Variants in CDH12 observed in about 807,000 individuals in gnomAD.
The protein encoded by CDH12 is cadherin-12.
CDH12 carries 41 observed loss-of-function variants against 74.1 expected under a neutral mutation model. The observed-to-expected ratio is 0.55, with a 90% CI of 0.43 to 0.72. CDH12 has a LOEUF of 0.72. CDH12 is among the 30% of genes least tolerant of loss of function. The pLI, the probability that CDH12 is intolerant of heterozygous loss-of-function variation, is 0.00. For missense variants in CDH12, 945 were observed against 977.2 expected (o/e 0.97, Z 0.44); for synonymous variants, 399 against 355.0 (o/e 1.12, Z -1.39).
intron 6 of CDH12, among the ~76,000 whole-genome samples, chr5:21,917,435 C>T (rs1436611830): frequency 6.6e-6 from 1 of 152,192 alleles, no homozygotes; most frequent in Non-Finnish European, 1.5e-5. Context: ...ATAAAAATTA[C>T]CAGTTAAAAT....
chr5:22,249,686 G>A (rs1753071787), intron 3 of CDH12, among the ~76,000 whole-genome samples: 1 of 152,086 alleles, frequency 6.6e-6, no homozygotes, highest in Non-Finnish European at 1.5e-5. Context: ...CACAAACATA[G>A]CAGGGCTAAC....
intron 1 of CDH12, among the ~76,000 whole-genome samples, chr5:22,694,242 A>AT (rs1240082958): frequency 6.6e-6 from 1 of 152,220 alleles, no homozygotes; most frequent in African/African-American, 2.4e-5. Context: ...ATAAGAGAGA[A>AT]GAAACACTCT....
At chr5:22,808,467 G>A (rs907667496) in intron 1 of CDH12, among the ~76,000 whole-genome samples, 2 of 152,188 alleles carry the variant, frequency 1.3e-5, no homozygotes, top group Non-Finnish European at 1.5e-5. Context: ...TTTAATGGAC[G>A]TACTGTAAAA....
intron 1 of CDH12, among the ~76,000 whole-genome samples, chr5:22,512,713 A>C (rs1308153226): frequency 6.6e-6 from 1 of 152,234 alleles, no homozygotes; most frequent in African/African-American, 2.4e-5. Flanking sequence ...AATGCAGGAA[A>C]GTAAGGAATG....
chr5:22,240,056 TATAG>T (rs1194903300), intron 3 of CDH12, among the ~76,000 whole-genome samples: 2 of 152,328 alleles, frequency 1.3e-5, no homozygotes, highest in Admixed American at 6.5e-5. Flanking sequence ...CCCCTCATTT[TATAG>T]ATAGTTATAT....
intron 1 of CDH12, among the ~76,000 whole-genome samples, chr5:22,717,773 T>G (rs1743655233): frequency 6.6e-6 from 1 of 152,168 alleles, no homozygotes; most frequent in Non-Finnish European, 1.5e-5. Flanking sequence ...TTACAGTTAG[T>G]GTATTGTTGC....
intron 1 of CDH12, among the ~76,000 whole-genome samples, chr5:22,638,278 C>A (rs1738943542): frequency 6.6e-6 from 1 of 152,154 alleles, no homozygotes; most frequent in Admixed American, 6.5e-5. Context: ...AGGCAGCATC[C>A]CAAAACCTCA....
chr5:22,007,534 T>G (rs1231288249), intron 5 of CDH12, among the ~76,000 whole-genome samples: 1 of 152,144 alleles, frequency 6.6e-6, no homozygotes, highest in African/African-American at 2.4e-5. Context: ...TAAGCCTATT[T>G]TAGAAAAATA....
intron 6 of CDH12, among the ~76,000 whole-genome samples, chr5:21,961,758 C>T (rs1300860419): frequency 6.6e-6 from 1 of 152,102 alleles, no homozygotes; most frequent in Non-Finnish European, 1.5e-5. Context: ...TTATAAGGAA[C>T]CCGTACCTTG....
intron 3 of CDH12, among the ~76,000 whole-genome samples, chr5:22,295,260 T>G (rs1737571386): frequency 6.6e-6 from 1 of 152,164 alleles, no homozygotes; most frequent in Admixed American, 6.6e-5. Flanking sequence ...GAGAAGAAGC[T>G]TAAATTATGA....
intron 1 of CDH12, among the ~76,000 whole-genome samples, chr5:22,849,443 G>A (rs1243285515): frequency 1.3e-5 from 2 of 151,972 alleles, no homozygotes; most frequent in African/African-American, 4.8e-5. Context: ...TGTACTAAAG[G>A]TATATTCAAC....
At chr5:22,092,616 A>G (rs886634342) in intron 4 of CDH12, among the ~76,000 whole-genome samples, 3 of 152,192 alleles carry the variant, frequency 2.0e-5, no homozygotes, top group Non-Finnish European at 4.4e-5. Flanking sequence ...GGAGGATGTG[A>G]AAAATCAGCA....
intron 4 of CDH12, among the ~76,000 whole-genome samples, chr5:22,129,823 A>G (rs1746086291): frequency 6.6e-6 from 1 of 152,120 alleles, no homozygotes. Flanking sequence ...AAGCAAAAGT[A>G]GGGCATAATT....
chr5:22,487,691 C>T (rs902099572), intron 2 of CDH12, among the ~76,000 whole-genome samples: 1 of 151,980 alleles, frequency 6.6e-6, no homozygotes, highest in Admixed American at 6.6e-5. Context: ...TGACTAATGG[C>T]AAAAAAATCA....
At chr5:21,769,954 A>G (rs1263405944) in intron 11 of CDH12, among the ~76,000 whole-genome samples, 1 of 152,182 alleles carries the variant, frequency 6.6e-6, no homozygotes, top group Non-Finnish European at 1.5e-5. Context: ...TTTCTATTGG[A>G]GTCAAGACAG....
At chr5:22,166,579 G>T (rs1748694930) in intron 4 of CDH12, among the ~76,000 whole-genome samples, 1 of 152,130 alleles carries the variant, frequency 6.6e-6, no homozygotes, top group Admixed American at 6.6e-5. Context: ...CCAAAGAATA[G>T]CATTTTTACT....
intron 5 of CDH12, among the ~76,000 whole-genome samples, chr5:22,077,348 T>C (rs1329892485): frequency 6.6e-6 from 1 of 152,160 alleles, no homozygotes; most frequent in Non-Finnish European, 1.5e-5. Context: ...ATAATTCAGA[T>C]CTTAAATGAA....
chr5:22,288,428 TG>T (rs1301920399), intron 3 of CDH12, among the ~76,000 whole-genome samples: 1 of 152,160 alleles, frequency 6.6e-6, no homozygotes, highest in African/African-American at 2.4e-5. Flanking sequence ...CATCATACCT[TG>T]TTTGCAGAAA....
chr5:22,151,449 C>T (rs1747576032), intron 4 of CDH12, among the ~76,000 whole-genome samples: 2 of 152,128 alleles, frequency 1.3e-5, no homozygotes, highest in Admixed American at 1.3e-4. Context: ...CATTCTGTGA[C>T]TTGTAGATAA....
Sources: gnomAD v4.1 joint callset for allele counts (sites outside exome capture counted in the v4.1 genomes callset) on GRCh38, gnomAD v4.1.1 for gene constraint, MANE v1.5 for transcripts, NCBI Gene and HGNC (gene_info 2026-07-23, HGNC 2026-07-21) for gene names.